The following DPH6 variants were observed in gnomAD, a reference collection of about 807,000 sequenced individuals.
The protein encoded by DPH6 is diphthine--ammonia ligase.
Under a neutral mutation model 38.2 loss-of-function variants are expected in DPH6, and 33 were observed. That is an observed-to-expected ratio of 0.86 (90% CI 0.65 to 1.15). DPH6 has a LOEUF of 1.15. Among genes scored for constraint, DPH6 ranks in the 50% most tolerant of loss-of-function variants. The pLI, the probability that DPH6 is intolerant of heterozygous loss-of-function variation, is 0.00. For synonymous variants in DPH6, 108 were observed against 103.0 expected (o/e 1.05, Z -0.30); for missense variants, 325 against 320.0 (o/e 1.02, Z -0.12).
chr15:35,295,334 T>A (rs564014337), intron 3 of DPH6, among the ~76,000 whole-genome samples: 1 of 152,274 alleles, frequency 6.6e-6, no homozygotes, highest in South Asian at 2.1e-4. Flanking sequence ...TTCTGTTGAC[T>A]TTTTCTTCAC....
chr15:35,181,926 T>C, the DPH6 span: 2 of 152,166 alleles, frequency 1.3e-5, no homozygotes, highest in African/African-American at 2.4e-5. Context: ...TGTTTAATGA[T>C]ATTTCTTTAT....
chr15:35,542,945 A>T (rs1292691519), intron 1 of DPH6, among the ~76,000 whole-genome samples: 3 of 30,232 alleles, frequency 9.9e-5, no homozygotes, highest in Admixed American at 5.1e-4. Flanking sequence ...CCACTTAAGG[A>T]ATATATATAT....
chr15:35,210,946 C>CTTT, the DPH6 span, among the ~76,000 whole-genome samples: 897 of 61,582 alleles, frequency 0.015, 183 homozygotes, highest in Non-Finnish European at 0.017. Context: ...AGATAGATCA[C>CTTT]TTTTTTTTTT....
At chr15:35,229,396 T>G (rs1045325337) in intron 3 of DPH6, among the ~76,000 whole-genome samples, 1 of 152,140 alleles carries the variant, frequency 6.6e-6, no homozygotes, top group African/African-American at 2.4e-5. Flanking sequence ...TCTTTTAAAT[T>G]ATTTCAATCT....
At chr15:35,241,196 GCTCT>G (rs1371200310) in intron 3 of DPH6, among the ~76,000 whole-genome samples, 1 of 143,584 alleles carries the variant, frequency 7.0e-6, no homozygotes, top group Non-Finnish European at 1.5e-5. Flanking sequence ...CTGGCCCAAG[GCTCT>G]CTGACTGACT....
chr15:35,151,264 T>A, the DPH6 span, among the ~76,000 whole-genome samples: 1 of 151,520 alleles, frequency 6.6e-6, no homozygotes. Context: ...GTATTGTTTT[T>A]AAAATGTAAC....
At chr15:35,402,894 A>G (rs1337041240) in intron 6 of DPH6, among the ~76,000 whole-genome samples, 1 of 152,050 alleles carries the variant, frequency 6.6e-6, no homozygotes, top group African/African-American at 2.4e-5. Context: ...ATAACTTATA[A>G]TATCTTATAT....
intron 3 of DPH6, among the ~76,000 whole-genome samples, chr15:35,359,400 C>G (rs987869607): frequency 6.6e-6 from 1 of 152,192 alleles, no homozygotes; most frequent in African/African-American, 2.4e-5. Flanking sequence ...GGACAGAAGG[C>G]TTCTCACTCT....
chr15:35,430,668 C>T (rs1013394645), intron 5 of DPH6, among the ~76,000 whole-genome samples: 1 of 152,118 alleles, frequency 6.6e-6, no homozygotes, highest in African/African-American at 2.4e-5. Flanking sequence ...ATGTTTTCAA[C>T]TGCTTAATAC....
intron 3 of DPH6, among the ~76,000 whole-genome samples, chr15:35,495,857 C>T (rs150732102): frequency 1.7e-3 from 260 of 152,124 alleles, no homozygotes; most frequent in African/African-American, 6.0e-3. Flanking sequence ...TAAGAAGAAA[C>T]AAATTAACTT....
intron 6 of DPH6, among the ~76,000 whole-genome samples, chr15:35,382,880 C>G (rs1300507333): frequency 6.6e-6 from 1 of 151,300 alleles, no homozygotes; most frequent in African/African-American, 2.4e-5. Context: ...CAGCAAAACA[C>G]AAAAAAACCT....
At chr15:35,367,618 T>C (rs2052672255), downstream of DPH6, among the ~76,000 whole-genome samples, 1 of 151,828 alleles carries the variant, frequency 6.6e-6, no homozygotes, top group Admixed American at 6.6e-5. Flanking sequence ...CAGCTTTCTA[T>C]TATTTGGTTA....
chr15:35,165,989 C>T, the DPH6 span, among the ~76,000 whole-genome samples: 3 of 151,924 alleles, frequency 2.0e-5, no homozygotes, highest in African/African-American at 7.2e-5. Context: ...ATTAAACTGC[C>T]TAACACACAT....
At chr15:35,282,782 A>G (rs1450531616) in intron 3 of DPH6, 1 of 340,422 alleles carries the variant, frequency 2.9e-6, no homozygotes, top group Non-Finnish European at 6.1e-6. Flanking sequence ...TCCCTTCCAA[A>G]AAATCCAGCA....
chr15:35,258,126 T>C (rs888206573), intron 3 of DPH6, among the ~76,000 whole-genome samples: 2 of 152,198 alleles, frequency 1.3e-5, no homozygotes, highest in Non-Finnish European at 2.9e-5. Context: ...GTGTTATTCT[T>C]GTTTTTAATT....
At chr15:35,202,192 T>A in the DPH6 span, among the ~76,000 whole-genome samples, 5 of 151,800 alleles carry the variant, frequency 3.3e-5, no homozygotes, top group Non-Finnish European at 5.9e-5. Context: ...TGATGTAGAC[T>A]GTCTCTGCTA....
At chr15:35,322,566 T>C (rs920306072) in intron 3 of DPH6, among the ~76,000 whole-genome samples, 1 of 152,230 alleles carries the variant, frequency 6.6e-6, no homozygotes, top group African/African-American at 2.4e-5. Flanking sequence ...TTCCTTTCCT[T>C]GTCTTTTCTG....
intron 6 of DPH6, among the ~76,000 whole-genome samples, chr15:35,397,208 C>G (rs994724686): frequency 6.6e-6 from 1 of 152,216 alleles, no homozygotes; most frequent in South Asian, 2.1e-4. Context: ...GAGTGGTATG[C>G]TTCTTAAGTA....
intron 5 of DPH6, among the ~76,000 whole-genome samples, chr15:35,424,452 ATTTT>A (rs199555714): frequency 2.7e-5 from 4 of 147,820 alleles, no homozygotes; most frequent in Admixed American, 2.0e-4. Context: ...TTCTAACAGG[ATTTT>A]TTTTTTTGTC....
Sources: gnomAD v4.1 joint callset for allele counts (sites outside exome capture counted in the v4.1 genomes callset) on GRCh38, gnomAD v4.1.1 for gene constraint, MANE v1.5 for transcripts, NCBI Gene and HGNC (gene_info 2026-07-23, HGNC 2026-07-21) for gene names.